The following C12orf42 variants were observed in gnomAD, a reference collection of about 807,000 sequenced individuals.
C12orf42 encodes chromosome 12 open reading frame 42.
A neutral mutation model predicts 21.6 loss-of-function variants in C12orf42; 25 were observed. The observed-to-expected ratio is 1.16, with a 90% CI of 0.84 to 1.62. The LOEUF (loss-of-function observed/expected upper bound fraction) is 1.62, where lower values mean the gene tolerates loss of function less well. Among genes scored for constraint, C12orf42 ranks in the 40% most tolerant of loss-of-function variants. The probability of loss-of-function intolerance (pLI) is 0.00; values close to 1 mark genes in which losing one functional copy is unlikely to be tolerated. For synonymous variants in C12orf42, 174 were observed against 175.0 expected, an observed-to-expected ratio of 0.99 and a Z score of 0.05; for missense variants, 483 against 459.3, an observed-to-expected ratio of 1.05 and a Z score of -0.47.
intron 2 of C12orf42, among the ~76,000 whole-genome samples, chr12:103,442,394 G>A (rs1951304280): frequency 6.6e-6 from 1 of 152,144 alleles, no homozygotes; most frequent in African/African-American, 2.4e-5. Flanking sequence ...CAGCACAGAT[G>A]TGCAAGTCAA....
At chr12:103,241,392 GA>G (rs1322816816) in intron 10 of C12orf42, among the ~76,000 whole-genome samples, 2 of 152,126 alleles carry the variant, frequency 1.3e-5, no homozygotes, top group African/African-American at 4.8e-5. Flanking sequence ...AAATACAACT[GA>G]ACAGATCAAG....
intron 4 of C12orf42, among the ~76,000 whole-genome samples, chr12:103,294,583 G>GAAAGAAA (rs2037091079): frequency 6.2e-5 from 5 of 80,356 alleles, no homozygotes; most frequent in African/African-American, 1.1e-4. Flanking sequence ...AAGGAAGGAA[G>GAAAGAAA]GAAAGAAAGA....
At chr12:103,478,735 A>T (rs1039520419) in intron 1 of C12orf42, among the ~76,000 whole-genome samples, 1 of 152,046 alleles carries the variant, frequency 6.6e-6, no homozygotes, top group African/African-American at 2.4e-5. Context: ...CTATTGCAAG[A>T]TATAATCCTA....
At chr12:103,054,390 T>C in the C12orf42 span, among the ~76,000 whole-genome samples, 1 of 151,928 alleles carries the variant, frequency 6.6e-6, no homozygotes, top group Non-Finnish European at 1.5e-5. Context: ...TATTCATTGC[T>C]AGCATATAGG....
At chr12:103,404,188 C>G (rs1369004948) in intron 2 of C12orf42, among the ~76,000 whole-genome samples, 1 of 152,162 alleles carries the variant, frequency 6.6e-6, no homozygotes, top group Non-Finnish European at 1.5e-5. Flanking sequence ...TTGGAGGTAT[C>G]TGCAGGAAGA....
the C12orf42 span, among the ~76,000 whole-genome samples, chr12:103,507,048 A>AT: frequency 1.5e-4 from 1 of 6,740 alleles, no homozygotes; most frequent in Non-Finnish European, 2.0e-4. Context: ...ATATTTATAT[A>AT]AAATATATAT....
chr12:103,164,825 T>A, the C12orf42 span: 1 of 417,974 alleles, frequency 2.4e-6, no homozygotes, highest in African/African-American at 2.0e-5. Flanking sequence ...ACAAGATAAA[T>A]TGGCAGGCAA....
chr12:103,230,088 C>A, the C12orf42 span, among the ~76,000 whole-genome samples: 1 of 152,218 alleles, frequency 6.6e-6, no homozygotes, highest in African/African-American at 2.4e-5. Flanking sequence ...ATATTAATTA[C>A]ATTGAATTTA....
chr12:103,084,388 C>T, the C12orf42 span, among the ~76,000 whole-genome samples: 2 of 152,052 alleles, frequency 1.3e-5, no homozygotes, highest in Non-Finnish European at 2.9e-5. Context: ...ATGTTATACA[C>T]TACTTTTTTT....
chr12:103,197,012 T>C, the C12orf42 span, among the ~76,000 whole-genome samples: 1 of 152,214 alleles, frequency 6.6e-6, no homozygotes, highest in Non-Finnish European at 1.5e-5. Context: ...TATAGTGTCA[T>C]TGGTCTATGG....
intron 1 of C12orf42, among the ~76,000 whole-genome samples, chr12:103,490,733 AAT>A: frequency 6.6e-6 from 1 of 151,928 alleles, no homozygotes; most frequent in Non-Finnish European, 1.5e-5. Context: ...TTCATATTAA[AAT>A]AGTTTATTAT....
At chr12:103,111,314 T>C in the C12orf42 span, among the ~76,000 whole-genome samples, 1 of 152,258 alleles carries the variant, frequency 6.6e-6, no homozygotes, top group Non-Finnish European at 1.5e-5. Context: ...TTTCATGTTT[T>C]GAAGTCAATG....
the C12orf42 span, among the ~76,000 whole-genome samples, chr12:103,185,611 G>A: frequency 1.3e-5 from 2 of 151,938 alleles, no homozygotes; most frequent in African/African-American, 4.8e-5. Flanking sequence ...ATCTCATCTT[G>A]AATTATACTC....
intron 4 of C12orf42, among the ~76,000 whole-genome samples, chr12:103,337,060 A>G (rs899178835): frequency 2.0e-5 from 3 of 152,216 alleles, no homozygotes; most frequent in Non-Finnish European, 4.4e-5. Context: ...AAAAAATGTC[A>G]TTCTGCAATG....
At position 103,347,914 on chromosome 12, in the gene C12orf42, T is replaced by G. The variant is rs140245726; in HGVS notation, c.259+20973A>C. Among the ~76,000 whole-genome samples, 508 of 152,264 alleles carry G rather than the reference T, an allele frequency of 3.3e-3. 3 individuals carry two copies. Among genetic ancestry groups the G allele is most frequent in the Middle Eastern group, 0.01 (3 of 294 alleles). On this transcript the variant is annotated intron_variant, in intron 4 of 5. Coordinates refer to ENST00000548883, the MANE Select transcript of C12orf42 (RefSeq NM_198521.5). ...ATATCATTGAGCCATTAAAAGAATA[T>G]GTATATAGGTTTATTGACCTGAACT...
the C12orf42 span, among the ~76,000 whole-genome samples, chr12:103,181,479 C>A: frequency 6.6e-6 from 1 of 152,254 alleles, no homozygotes; most frequent in South Asian, 2.1e-4. Flanking sequence ...AAATAGATGT[C>A]CCTCTACAAA....
the C12orf42 span, among the ~76,000 whole-genome samples, chr12:103,112,880 C>A: frequency 3.3e-5 from 5 of 152,196 alleles, no homozygotes; most frequent in African/African-American, 9.7e-5. Context: ...CCGTAGCACT[C>A]ACCACACAGT....
At chr12:103,547,270 A>T in the C12orf42 span, among the ~76,000 whole-genome samples, 1 of 152,238 alleles carries the variant, frequency 6.6e-6, no homozygotes, top group African/African-American at 2.4e-5. Flanking sequence ...CTCGCTAGCC[A>T]TATTTCAAGG....
the C12orf42 span, among the ~76,000 whole-genome samples, chr12:103,057,097 G>C: frequency 6.6e-6 from 1 of 151,812 alleles, no homozygotes; most frequent in Non-Finnish European, 1.5e-5. Context: ...ATTGTGTTCT[G>C]AGACTCTGCA....
Sources: allele counts gnomAD v4.1 joint callset (sites outside exome capture counted in the v4.1 genomes callset), GRCh38; gene constraint gnomAD v4.1.1; transcripts MANE v1.5; gene names NCBI Gene and HGNC (gene_info 2026-07-23, HGNC 2026-07-21).